Variants in DPY30 observed in about 807,000 individuals in gnomAD.
The protein encoded by DPY30 is dpy-30 histone methyltransferase complex regulatory subunit.
Under a neutral mutation model 16.2 loss-of-function variants are expected in DPY30, and 6 were observed. The observed-to-expected ratio is 0.37, with a 90% CI of 0.20 to 0.73. The LOEUF (loss-of-function observed/expected upper bound fraction) is 0.73. Ranked by LOEUF, DPY30 falls within the 30% of genes least tolerant of loss-of-function variation. The pLI, the probability that DPY30 is intolerant of heterozygous loss-of-function variation, is 0.51. For missense variants in DPY30, 73 were observed against 113.1 expected (o/e 0.65, Z 1.61); for synonymous variants, 39 against 38.8 (o/e 1.00, Z -0.02).
At chr2:32,024,751 T>C (rs559130704) in intron 4 of DPY30, among the ~76,000 whole-genome samples, 2 of 152,346 alleles carry the variant, frequency 1.3e-5, no homozygotes, top group South Asian at 4.1e-4. Flanking sequence ...CTAAGACATG[T>C]AGATGAACTC....
chr2:32,021,401 G>A (rs185332233), downstream of DPY30, among the ~76,000 whole-genome samples: 1,475 of 152,188 alleles, frequency 9.7e-3, 26 homozygotes, highest in South Asian at 0.048. Context: ...TGTCAGGCCG[G>A]ACACGGTGGC....
downstream of DPY30, among the ~76,000 whole-genome samples, chr2:32,022,639 T>C (rs1399912892): frequency 6.6e-6 from 1 of 151,912 alleles, no homozygotes; most frequent in Non-Finnish European, 1.5e-5. Context: ...TGCCTGAGCC[T>C]CCCGAGTGGC....
At chr2:32,015,188 T>C (rs1463051462) in intron 5 of DPY30, among the ~76,000 whole-genome samples, 1 of 152,160 alleles carries the variant, frequency 6.6e-6, no homozygotes, top group African/African-American at 2.4e-5. Context: ...AACTAACAGC[T>C]TTAGAAGCAC....
rs778189670 is a variant in DPY30, at chr2:32,039,486, T to C, written c.-30A>G. 2 of 1,613,962 alleles carry C rather than the reference T, an allele frequency of 1.2e-6. No individual in the cohort carries two copies. Among genetic ancestry groups the C allele is most frequent in the South Asian group, 1.1e-5 (1 of 91,076 alleles). On this transcript the variant is annotated 5_prime_UTR_variant, in exon 2 of 5. Transcript: ENST00000342166. ...GACCCTGCAAGTCACAGTCCCCGGA[T>C]ACCAGTCTTGGAAAACAAGAAGAGC...
chr2:32,012,578 C>T, intron 5 of DPY30, among the ~76,000 whole-genome samples: 1 of 151,558 alleles, frequency 6.6e-6, no homozygotes, highest in East Asian at 1.9e-4. Flanking sequence ...TCATGGGTGC[C>T]CACCACCATC....
intron 4 of DPY30, among the ~76,000 whole-genome samples, chr2:32,026,318 G>C (rs562063962): frequency 1.3e-5 from 2 of 152,292 alleles, no homozygotes; most frequent in African/African-American, 4.8e-5. Context: ...GCTGAGGTGA[G>C]AGGATTGCTT....
At chr2:32,014,098 C>T (rs189350872) in intron 5 of DPY30, among the ~76,000 whole-genome samples, 1 of 152,252 alleles carries the variant, frequency 6.6e-6, no homozygotes, top group Non-Finnish European at 1.5e-5. Context: ...ATATTTACTG[C>T]AGCATTCAGT....
downstream of DPY30, chr2:32,023,439 G>C (rs147069533): frequency 2.8e-5 from 13 of 471,352 alleles, no homozygotes; most frequent in African/African-American, 2.4e-4. Context: ...GTTGTCTTGA[G>C]CATGTCACTT....
chr2:32,025,252 C>T (rs1675284890), intron 4 of DPY30, among the ~76,000 whole-genome samples: 1 of 151,972 alleles, frequency 6.6e-6, no homozygotes, highest in African/African-American at 2.4e-5. Flanking sequence ...ATCATGAGGT[C>T]AGGAGTTCAA....
intron 3 of DPY30, among the ~76,000 whole-genome samples, chr2:32,032,306 A>T (rs1371641981): frequency 6.6e-6 from 1 of 152,250 alleles, no homozygotes; most frequent in Non-Finnish European, 1.5e-5. Context: ...TCAACAGATA[A>T]TTAGCACACC....
intron 3 of DPY30, among the ~76,000 whole-genome samples, chr2:32,038,138 T>C (rs1573009955): frequency 7.0e-6 from 1 of 142,624 alleles, no homozygotes; most frequent in Admixed American, 7.1e-5. Context: ...TTTCTTTCTT[T>C]TTTTTTTTTT....
At chr2:32,015,223 C>T (rs1020236742) in intron 5 of DPY30, among the ~76,000 whole-genome samples, 1 of 152,062 alleles carries the variant, frequency 6.6e-6, no homozygotes, top group Non-Finnish European at 1.5e-5. Context: ...CCCTATAGAT[C>T]AGAAAAATAT....
At chr2:32,035,199 C>T (rs1166484203) in intron 3 of DPY30, among the ~76,000 whole-genome samples, 2 of 152,034 alleles carry the variant, frequency 1.3e-5, no homozygotes, top group African/African-American at 4.8e-5. Flanking sequence ...GGGAGGATCA[C>T]TTAAGACCAG....
intron 3 of DPY30, among the ~76,000 whole-genome samples, chr2:32,034,600 G>T (rs1394735872): frequency 6.6e-6 from 1 of 152,188 alleles, no homozygotes; most frequent in Non-Finnish European, 1.5e-5. Flanking sequence ...TTCAACATGA[G>T]ATTTGGAAGG....
intron 3 of DPY30, among the ~76,000 whole-genome samples, chr2:32,038,284 T>C (rs1675824357): frequency 6.7e-6 from 1 of 150,128 alleles, no homozygotes; most frequent in Admixed American, 6.7e-5. Context: ...CTGGGATTAG[T>C]AGAGAGGAGG....
downstream of DPY30, among the ~76,000 whole-genome samples, chr2:32,011,669 T>C (rs1239128511): frequency 1.3e-5 from 2 of 152,242 alleles, no homozygotes; most frequent in African/African-American, 4.8e-5. Flanking sequence ...GAGGAAGTGT[T>C]ATTGTTACAA....
rs183368183 is a variant in DPY30 at position 32,037,952 on chromosome 2, T to C, written c.84+1327A>G. Among the ~76,000 whole-genome samples, 470 of 152,060 alleles carry C rather than the reference T, an allele frequency of 3.1e-3. 6 individuals carry two copies. Among genetic ancestry groups the C allele is most frequent in the South Asian group, 0.017 (83 of 4,826 alleles). On this transcript the variant is annotated intron_variant, in intron 3 of 4. Transcript: ENST00000342166. ...CAGTAATAATAGTAATAGCTGTTAA[T>C]ATTAATATTAATATTAGCCACACAC... is the stretch of plus-strand genomic sequence containing the variant.
At chr2:32,022,426 A>T (rs1457972657), downstream of DPY30, among the ~76,000 whole-genome samples, 2 of 152,144 alleles carry the variant, frequency 1.3e-5, no homozygotes, top group African/African-American at 4.8e-5. Flanking sequence ...AATACCTCCC[A>T]TAAGTGTCAG....
chr2:32,030,784 G>A (rs1675510012), intron 3 of DPY30, among the ~76,000 whole-genome samples: 1 of 151,978 alleles, frequency 6.6e-6, no homozygotes, highest in Admixed American at 6.6e-5. Context: ...GACCGACAAA[G>A]CAAGGCCCTG....
Sources: gnomAD v4.1 joint callset for allele counts (sites outside exome capture counted in the v4.1 genomes callset) on GRCh38, gnomAD v4.1.1 for gene constraint, MANE v1.5 for transcripts, NCBI Gene and HGNC (gene_info 2026-07-23, HGNC 2026-07-21) for gene names.